Variants in DOCK1 observed in about 807,000 individuals in gnomAD.
DOCK1 encodes the protein dedicator of cytokinesis protein 1.
DOCK1 carries 138 observed loss-of-function variants against 262.7 expected under a neutral mutation model. That is an observed-to-expected ratio of 0.53 (90% confidence interval 0.46 to 0.61). The LOEUF (loss-of-function observed/expected upper bound fraction) is 0.61, where lower values mean the gene tolerates loss of function less well. DOCK1 is among the 20% of genes least tolerant of loss of function. DOCK1 has a pLI of 0.00. For synonymous variants in DOCK1, 866 were observed against 867.4 expected (o/e 1.00, Z 0.03); for missense variants, 1,908 against 2,370.7 (o/e 0.80, Z 4.05).
intron 1 of DOCK1, among the ~76,000 whole-genome samples, chr10:126,932,905 C>G (rs1289129848): frequency 2.0e-5 from 3 of 152,158 alleles, no homozygotes; most frequent in Non-Finnish European, 4.4e-5. Context: ...CCGTCAGCTC[C>G]TGGCCAACTC....
intron 29 of DOCK1, among the ~76,000 whole-genome samples, chr10:127,291,394 C>T (rs181098897): frequency 6.6e-6 from 1 of 152,294 alleles, no homozygotes; most frequent in Admixed American, 6.5e-5. Context: ...CACCCCCAGA[C>T]AGAGATGTAC....
intron 51 of DOCK1, 61 bp downstream of exon 51, chr10:127,447,606 C>G (rs962467840): frequency 6.3e-7 from 1 of 1,582,440 alleles, no homozygotes; most frequent in Admixed American, 1.8e-5. Flanking sequence ...TAGGACGAGT[C>G]CCTCATTCCA....
At chr10:127,019,567 C>T (rs751399890) in intron 13 of DOCK1, among the ~76,000 whole-genome samples, 3 of 151,782 alleles carry the variant, frequency 2.0e-5, no homozygotes, top group African/African-American at 7.3e-5. Context: ...GGGAACATGG[C>T]GAAACCCCGT....
intron 15 of DOCK1, chr10:127,026,100 G>T (rs1026955061): frequency 6.6e-6 from 3 of 456,852 alleles, no homozygotes; most frequent in Non-Finnish European, 1.2e-5. Context: ...TAACAGTAAT[G>T]GTCAGAGCAT....
intron 35 of DOCK1, 63 bp from the exon 36 acceptor site, chr10:127,380,019 T>A (rs747035574): frequency 8.9e-7 from 1 of 1,122,774 alleles, no homozygotes; most frequent in African/African-American, 1.5e-5. Context: ...GAATTTTTAT[T>A]GTGCATGTGA....
intron 1 of DOCK1, among the ~76,000 whole-genome samples, chr10:126,948,090 G>GGTA (rs1241553023): frequency 3.2e-4 from 26 of 80,640 alleles, no homozygotes; most frequent in Non-Finnish European, 5.5e-4. Flanking sequence ...TGATGGTGGT[G>GGTA]GTTGGTAGTA....
chr10:126,937,327 T>G lies in DOCK1; in HGVS notation c.46+31764T>G, dbSNP rs1019089629. Among the ~76,000 whole-genome samples the G allele has an allele frequency of 5.9e-5, 9 of 152,316 alleles. 1 individual carries two copies. Among genetic ancestry groups the G allele is most frequent in the East Asian group, 3.9e-4 (2 of 5,188 alleles). On this transcript the variant is annotated intron_variant, in intron 1 of 51. Transcript: ENST00000623213. ...ACAAATATCTCTTCAAGACCCTGAT[T>G]TCACTTATTTTGAGTGTGTACCCAG...
chr10:127,310,665 A>T (rs534143125), intron 29 of DOCK1, among the ~76,000 whole-genome samples: 22 of 152,266 alleles, frequency 1.4e-4, no homozygotes, highest in African/African-American at 5.3e-4. Flanking sequence ...ATGATTTCTC[A>T]TATTGGATTT....
chr10:127,263,391 GA>G (rs964384598), intron 29 of DOCK1, among the ~76,000 whole-genome samples: 95 of 27,510 alleles, frequency 3.5e-3, no homozygotes, highest in Non-Finnish European at 5.3e-3. Flanking sequence ...TGTAAATCAA[GA>G]ATCAAAATTA....
intron 23 of DOCK1, among the ~76,000 whole-genome samples, chr10:127,092,786 A>G (rs1212512471): frequency 6.6e-6 from 1 of 152,140 alleles, no homozygotes; most frequent in Non-Finnish European, 1.5e-5. Flanking sequence ...CCCGGCAGAC[A>G]TTCATTTTTA....
intron 37 of DOCK1, among the ~76,000 whole-genome samples, chr10:127,383,488 C>G (rs2065931901): frequency 6.6e-6 from 1 of 152,200 alleles, no homozygotes; most frequent in Non-Finnish European, 1.5e-5. Flanking sequence ...TGGAGATATG[C>G]AAGTTCAATT....
intron 28 of DOCK1, among the ~76,000 whole-genome samples, chr10:127,255,787 T>C (rs1447061971): frequency 6.6e-6 from 1 of 152,170 alleles, no homozygotes; most frequent in Non-Finnish European, 1.5e-5. Flanking sequence ...CTTTGAGAAG[T>C]AATCATCAAG....
chr10:127,164,843 A>G (rs376871528), intron 27 of DOCK1, among the ~76,000 whole-genome samples: 1 of 152,336 alleles, frequency 6.6e-6, no homozygotes, highest in East Asian at 1.9e-4. Context: ...CAGTCAGGGA[A>G]ATACTAAGTT....
At chr10:127,423,663 T>C (rs2134522730) in intron 46 of DOCK1, among the ~76,000 whole-genome samples, 1 of 152,324 alleles carries the variant, frequency 6.6e-6, no homozygotes, top group East Asian at 1.9e-4. Context: ...TGTACGAAGA[T>C]GAAAGGCTGA....
At chr10:127,305,946 A>T (rs764379324) in intron 29 of DOCK1, among the ~76,000 whole-genome samples, 1 of 151,720 alleles carries the variant, frequency 6.6e-6, no homozygotes, top group African/African-American at 2.4e-5. Flanking sequence ...ATGCATTTAA[A>T]TATTATTATT....
chr10:127,171,329 GA>G (rs1378028159), intron 27 of DOCK1, among the ~76,000 whole-genome samples: 1 of 152,216 alleles, frequency 6.6e-6, no homozygotes, highest in East Asian at 1.9e-4. Context: ...ACTCAATAGT[GA>G]AAAGAAGTCC....
intron 23 of DOCK1, among the ~76,000 whole-genome samples, chr10:127,104,150 GTTCT>G (rs2048404418): frequency 1.3e-5 from 2 of 152,072 alleles, no homozygotes; most frequent in African/African-American, 4.8e-5. Context: ...AGTTTTAAGG[GTTCT>G]TTGTGTATTC....
At chr10:127,354,198 C>T (rs918585418) in intron 31 of DOCK1, among the ~76,000 whole-genome samples, 1 of 152,034 alleles carries the variant, frequency 6.6e-6, no homozygotes, top group African/African-American at 2.4e-5. Flanking sequence ...TGGTGTTAAG[C>T]CCTTCCTTAC....
Position 127,419,701 on chromosome 10 carries a change from T to C in DOCK1, c.4728T>C (p.Pro1576=). The C allele has an allele frequency of 6.2e-7, 1 of 1,605,876 alleles. No individual in the cohort carries two copies. Among genetic ancestry groups the C allele is most frequent in the Admixed American group, 1.7e-5 (1 of 59,268 alleles). ...FFTDRYLQEH[P]EAHEKIEKLK... is the part of the protein sequence containing the mutation. ...CAGACCGGTACCTGCAGGAGCACCC[T>C]GAGGCCCATGAAAAGATCGAGAAGC... The change falls in exon 46 of 52, where the codon CCT becomes CCC. Residue 1576 remains proline, a synonymous_variant. Transcript: ENST00000623213.
Sources: allele counts gnomAD v4.1 joint callset (sites outside exome capture counted in the v4.1 genomes callset), GRCh38; gene constraint gnomAD v4.1.1; transcripts MANE v1.5; gene names NCBI Gene and HGNC (gene_info 2026-07-23, HGNC 2026-07-21).